KRT84: variants seen among roughly 807,000 people sequenced by gnomAD.
KRT84 encodes the protein keratin, type II cuticular Hb4.
KRT84 carries 38 observed loss-of-function variants against 49.0 expected under a neutral mutation model. That is an observed-to-expected ratio of 0.78 (90% CI 0.60 to 1.02). The LOEUF is 1.02. Among genes scored for constraint, KRT84 ranks in the 50% least tolerant of loss-of-function variants. The pLI, the probability that KRT84 is intolerant of heterozygous loss-of-function variation, is 0.00. For missense variants in KRT84, 860 were observed against 788.6 expected, an observed-to-expected ratio of 1.09 and a Z score of -1.08; for synonymous variants, 334 against 312.8, an observed-to-expected ratio of 1.07 and a Z score of -0.72.
intron 1 of KRT84, among the ~76,000 whole-genome samples, chr12:52,384,345 A>G (rs1939538226): frequency 6.6e-6 from 1 of 152,190 alleles, no homozygotes; most frequent in Non-Finnish European, 1.5e-5. Flanking sequence ...TACAGAGGTT[A>G]TCCTTCATTC....
Position 52,385,061 on chromosome 12 carries a change from CTT to C in KRT84, c.523_524del (p.Lys175ValfsTer6), listed in dbSNP as rs749639354. On this transcript the variant is annotated frameshift_variant, in exon 1 of 9. Transcript: ENST00000257951. LOFTEE classifies it high-confidence loss of function. ...GTACCTTGTCAATGAAGGAGGCAAA[CTT>C]GTTGTTGAGGGTCTTGATTTGCTCC... is the stretch of plus-strand genomic sequence containing the variant. ...EKEQIKTLNNKFASFIDKVRF... is the reference protein window; with the variant it reads ...EKEQIKTLNNXFASFIDKVRF... The C allele has an allele frequency of 2.5e-6, 4 of 1,607,584 alleles. No individual in the cohort carries two copies. In the South Asian group the frequency reaches 4.5e-5, roughly 18 times the overall value.
intron 5 of KRT84, 52 bp downstream of exon 5, chr12:52,381,309 A>G (rs1160624955): frequency 1.9e-6 from 3 of 1,612,784 alleles, no homozygotes; most frequent in Non-Finnish European, 2.5e-6. Flanking sequence ...TCTGTTATAT[A>G]TGAGTCATTC....
chr12:52,382,245 G>C (rs1254757995), intron 4 of KRT84, among the ~76,000 whole-genome samples, 192 bp downstream of exon 4: 2 of 152,188 alleles, frequency 1.3e-5, no homozygotes, highest in Non-Finnish European at 2.9e-5. Context: ...ACTTGCATCA[G>C]GCTGCTGAAA....
At chr12:52,386,972 C>G (rs1250953887), upstream of KRT84, among the ~76,000 whole-genome samples, 1 of 152,080 alleles carries the variant, frequency 6.6e-6, no homozygotes, top group East Asian at 1.9e-4. Context: ...TTTTCTTTTT[C>G]CAGCTATCAG....
chr12:52,378,560 C>G (rs373071651), intron 8 of KRT84, among the ~76,000 whole-genome samples, 180 bp from the exon 9 acceptor site: 111 of 152,302 alleles, frequency 7.3e-4, no homozygotes, highest in African/African-American at 2.5e-3. Context: ...CTGGATGGCT[C>G]AAAGACTGTG....
At chr12:52,384,686 C>T (rs1389398084) in intron 1 of KRT84, among the ~76,000 whole-genome samples, 3 of 152,228 alleles carry the variant, frequency 2.0e-5, no homozygotes, top group Admixed American at 2.0e-4. Flanking sequence ...TACCAGCCAA[C>T]ACCTGGCTAA....
At chr12:52,383,960 A>G (rs895686857) in intron 1 of KRT84, among the ~76,000 whole-genome samples, 162 bp from the exon 2 acceptor site, 2 of 152,256 alleles carry the variant, frequency 1.3e-5, no homozygotes, top group Non-Finnish European at 2.9e-5. Context: ...CTGGAAGGGC[A>G]GGTTGTGACT....
In KRT84 at chr12:52,378,069, C is replaced by T; in HGVS notation, c.1768G>A (p.Val590Met). Residue 590 changes from valine to methionine, a missense_variant, in exon 9 of 9, where the codon GTG (valine) becomes ATG (methionine). Coordinates refer to ENST00000257951, the MANE Select transcript of KRT84 (RefSeq NM_033045.4). ...GTCCGGCAGGAGGTGGTGGTGGACA[C>T]AAAGCGGACGCTGGAGCTGCGGCCG... ...SGGRSSSVRF[V>M]STTTSCRTKY The T allele has an allele frequency of 6.7e-7, 1 of 1,494,780 alleles. No individual in the cohort carries two copies. The highest frequency in any genetic ancestry group is 8.9e-7 in the Non-Finnish European group (1 of 1,125,650). 92.6% of individuals were successfully genotyped at this position (1,494,780 alleles called of 1,614,324 possible). A position where few individuals can be genotyped will look rare whatever the true frequency, so the allele number is the denominator to read the frequency against.
chr12:52,378,041 T>G lies in KRT84; in HGVS notation c.1796A>C (p.Lys599Thr). 3 of 1,469,828 alleles carry G rather than the reference T, an allele frequency of 2.0e-6. No individual in the cohort carries two copies. The highest frequency in any genetic ancestry group is 2.0e-4 in the Middle Eastern group (1 of 5,030). 91.0% of individuals were successfully genotyped at this position (1,469,828 alleles called of 1,614,324 possible). A position where few individuals can be genotyped will look rare whatever the true frequency, so the allele number is the denominator to read the frequency against. ...CTGTCTGGGGCTGGGCTCTCAGTAC[T>G]TGGTCCGGCAGGAGGTGGTGGTGGA... ...FVSTTTSCRT[K>T]Y Residue 599 changes from lysine (K) to threonine (T), a missense_variant, in exon 9 of 9, where the codon AAG becomes ACG. Lys to Thr is a moderately conservative substitution (Grantham distance 78). Transcript: ENST00000257951.
At chr12:52,384,846 C>T (rs545118918) in intron 1 of KRT84, among the ~76,000 whole-genome samples, 194 bp downstream of exon 1, 5 of 152,282 alleles carry the variant, frequency 3.3e-5, no homozygotes, top group South Asian at 2.1e-4. Context: ...CCATGCAGCT[C>T]GTCCTCTGGC....
chr12:52,377,912 T>G lies in KRT84; in HGVS notation c.*122A>C. ...GAATAATCGGGGGAGTGCTAAGGGG[T>G]GGCTTCCTGGCAGAAAGGGGAGCTG... On this transcript the variant is annotated 3_prime_UTR_variant, in exon 9 of 9. Transcript: ENST00000257951. The G allele has an allele frequency of 1.5e-6, 1 of 650,022 alleles. No homozygotes were observed. Among genetic ancestry groups the G allele is most frequent in the South Asian group, 4.0e-5 (1 of 25,088 alleles). 40.3% of individuals were successfully genotyped at this position (650,022 alleles called of 1,614,324 possible). A position where few individuals can be genotyped will look rare whatever the true frequency, so the allele number is the denominator to read the frequency against.
Position 52,380,554 on chromosome 12 carries a change from C to T in KRT84, c.1233G>A (p.Glu411=), listed in dbSNP as rs1939464837. 6.2e-7 allele frequency: 1 copy of T among 1,613,344 alleles called. No individual in the cohort carries two copies. The highest frequency in any genetic ancestry group is 1.3e-5 in the African/African-American group (1 of 75,054). The change falls in exon 7 of 9, where the codon GAG becomes GAA. Residue 411 remains glutamate (E), a synonymous_variant. Coordinates refer to ENST00000257951, the MANE Select transcript of KRT84 (RefSeq NM_033045.4). ...QRAKLEAAVA[E]AEQQGEATLS... ...GGGTCGCCTCGCCCTGCTGCTCGGC[C>T]TCGGCCACTGCAGCCTCCAACTTGG...
In KRT84 at chr12:52,380,980, G is replaced by A. The variant is rs1447891828; in HGVS notation, c.1203+100C>T. Reference sequence around the variant, plus strand: ...GATCCCTCCATTCCTTGGTTTCTGGGTCTTGATGGTCTCCCTCACCTCATT... The same window carrying A: ...GATCCCTCCATTCCTTGGTTTCTGGATCTTGATGGTCTCCCTCACCTCATT... On this transcript the variant is annotated intron_variant, in intron 6 of 8. Transcript: ENST00000257951. 6.8e-6 allele frequency: 10 copies of A among 1,477,722 alleles called. No homozygotes were observed. In the Admixed American group the frequency reaches 1.7e-4, roughly 25 times the overall value. 91.5% of individuals were successfully genotyped at this position (1,477,722 alleles called of 1,614,324 possible). A position where few individuals can be genotyped will look rare whatever the true frequency, so the allele number is the denominator to read the frequency against.
At chr12:52,380,691 G>A in intron 6 of KRT84, 108 bp from the exon 7 acceptor site, 1 of 1,162,408 alleles carries the variant, frequency 8.6e-7, no homozygotes, top group Non-Finnish European at 1.2e-6. Flanking sequence ...GGCCAAGGCA[G>A]GGATGGACCC....
Position 52,385,290 on chromosome 12 carries a change from G to C in KRT84, c.296C>G (p.Ala99Gly), listed in dbSNP as rs1176735347. ...DGRGVGLGPR[A>G]DSCVGLGFGA... ...AAAGCCCAGACCAACACAGCTGTCA[G>C]CCCTAGGCCCCAGACCAACACCTCT... The change falls in exon 1 of 9, where the codon GCT (alanine) becomes GGT (glycine). Residue 99 changes from alanine to glycine, a missense_variant. Physicochemically the swap from Ala to Gly is moderately conservative, Grantham distance 60 (BLOSUM62 0). Transcript: ENST00000257951. The C allele has an allele frequency of 6.2e-7, 1 of 1,613,938 alleles. No homozygotes were observed. The highest frequency in any genetic ancestry group is 1.3e-5 in the African/African-American group (1 of 74,886).
rs760422168 is a variant in KRT84 at position 52,378,113 on chromosome 12, C to A, written c.1724G>T (p.Gly575Val). Reference sequence around the variant, plus strand: ...GCGGCCGCCGCTGCAGCTGCTGAAGCCCCCCTGGGTGGGCAGGGGGCAGGG... The same window carrying A: ...GCGGCCGCCGCTGCAGCTGCTGAAGACCCCCTGGGTGGGCAGGGGGCAGGG... ...SVPCPLPTQGGFSSCSGGRSS... is the reference protein window; with the variant it reads ...SVPCPLPTQGVFSSCSGGRSS... The change falls in exon 9 of 9, where the codon GGC becomes GTC. Residue 575 changes from glycine (G) to valine (V), a missense_variant. Gly to Val is a moderately radical substitution (Grantham distance 109). Transcript: ENST00000257951. 6.0e-5 allele frequency: 91 copies of A among 1,520,092 alleles called. No homozygotes were observed. The highest frequency in any genetic ancestry group is 7.5e-5 in the Non-Finnish European group (86 of 1,140,106). 94.2% of individuals were successfully genotyped at this position (1,520,092 alleles called of 1,614,324 possible). A position where few individuals can be genotyped will look rare whatever the true frequency, so the allele number is the denominator to read the frequency against.
chr12:52,380,688 G>A (rs1182588838), intron 6 of KRT84, 105 bp from the exon 7 acceptor site: 1 of 1,192,090 alleles, frequency 8.4e-7, no homozygotes, highest in Non-Finnish European at 1.2e-6. Flanking sequence ...TGGGGCCAAG[G>A]CAGGGATGGA....
chr12:52,378,226 G>T lies in KRT84; in HGVS notation c.1611C>A (p.Ala537=). The T allele has an allele frequency of 6.4e-7, 1 of 1,568,402 alleles. No individual in the cohort carries two copies. The highest frequency in any genetic ancestry group is 1.8e-5 in the Admixed American group (1 of 54,412). ...LASCGPSLGG[A]RVAPATGDLL... ...GGTCCCCAGTGGCCGGGGCGACCCG[G>T]GCTCCACCCAGGCTGGGGCCACAGG... The change falls in exon 9 of 9, where the codon GCC becomes GCA. Residue 537 remains alanine, a synonymous_variant. Coordinates refer to ENST00000257951, the MANE Select transcript of KRT84 (RefSeq NM_033045.4).
upstream of KRT84, among the ~76,000 whole-genome samples, chr12:52,385,964 GT>G (rs1229272190): frequency 6.6e-6 from 1 of 152,186 alleles, no homozygotes; most frequent in Admixed American, 6.5e-5. Flanking sequence ...AATGCAATAG[GT>G]TTTTTCACTG....
Sources: allele counts gnomAD v4.1 joint callset (sites outside exome capture counted in the v4.1 genomes callset), GRCh38; gene constraint gnomAD v4.1.1; transcripts MANE v1.5; gene names NCBI Gene and HGNC (gene_info 2026-07-23, HGNC 2026-07-21).